Variants in LMCD1 observed in about 807,000 individuals in gnomAD.
LMCD1 encodes the protein LIM and cysteine-rich domains protein 1.
Under a neutral mutation model 42.7 loss-of-function variants are expected in LMCD1, and 32 were observed. The observed-to-expected ratio is 0.75, with a 90% CI of 0.57 to 1.01. The LOEUF is 1.01. Among genes scored for constraint, LMCD1 ranks in the 50% least tolerant of loss-of-function variants. The pLI is 0.00. For missense variants in LMCD1, 458 were observed against 483.1 expected (o/e 0.95, Z 0.49); for synonymous variants, 178 against 184.9 (o/e 0.96, Z 0.30).
intron 4 of LMCD1, among the ~76,000 whole-genome samples, chr3:8,553,458 G>A (rs1218312224): frequency 6.6e-6 from 1 of 152,208 alleles, no homozygotes; most frequent in Non-Finnish European, 1.5e-5. Flanking sequence ...AGTGAGCCCA[G>A]ATAACAGTGG....
At position 8,548,593 on chromosome 3, in the gene LMCD1, C is replaced by T. The variant is rs1000692832; in HGVS notation, c.413C>T (p.Pro138Leu). The part of the protein sequence containing the change: ...KLGLQYMELI[P>L]KEKQPVTGTE... ...GGACTGCAGTACATGGAGCTCATCC[C>T]CAAGGAGAAGCAGCCAGTGACAGGC... Residue 138 changes from proline to leucine, a missense_variant, in exon 4 of 6, where the codon CCC (proline) becomes CTC (leucine). Pro to Leu is a moderately conservative substitution (Grantham distance 98, BLOSUM62 -3). Coordinates refer to ENST00000157600, the MANE Select transcript of LMCD1 (RefSeq NM_014583.4). The T allele has an allele frequency of 6.2e-7, 1 of 1,613,498 alleles. No individual in the cohort carries two copies. Among genetic ancestry groups the T allele is most frequent in the Non-Finnish European group, 8.5e-7 (1 of 1,179,572 alleles).
At chr3:8,528,617 T>A (rs186304888) in intron 1 of LMCD1, among the ~76,000 whole-genome samples, 1 of 152,206 alleles carries the variant, frequency 6.6e-6, no homozygotes, top group South Asian at 2.1e-4. Flanking sequence ...GAGGAGGCAA[T>A]TGAGTTACTC....
intron 1 of LMCD1, among the ~76,000 whole-genome samples, chr3:8,522,348 G>A (rs1694222417): frequency 6.6e-6 from 1 of 152,166 alleles, no homozygotes; most frequent in South Asian, 2.1e-4. Context: ...GCAGCGGGGA[G>A]GAGAGTGGGT....
At chr3:8,540,571 A>T (rs1694603895) in intron 3 of LMCD1, among the ~76,000 whole-genome samples, 1 of 152,326 alleles carries the variant, frequency 6.6e-6, no homozygotes, top group East Asian at 1.9e-4. Context: ...CTTCCCTACC[A>T]ATCCAGGCCA....
At chr3:8,559,487 G>A (rs1357691628) in intron 4 of LMCD1, among the ~76,000 whole-genome samples, 6 of 152,198 alleles carry the variant, frequency 3.9e-5, no homozygotes, top group Non-Finnish European at 7.3e-5. Context: ...AGAGGCACAG[G>A]TAAGTTAGTT....
At chr3:8,540,778 A>AC (rs1455937046) in intron 3 of LMCD1, among the ~76,000 whole-genome samples, 2 of 152,214 alleles carry the variant, frequency 1.3e-5, no homozygotes, top group Non-Finnish European at 2.9e-5. Flanking sequence ...TCTCATGAAC[A>AC]CCTCACCGCG....
intron 1 of LMCD1, among the ~76,000 whole-genome samples, chr3:8,511,518 ATACT>A (rs1694000067): frequency 6.6e-6 from 1 of 152,228 alleles, no homozygotes; most frequent in Non-Finnish European, 1.5e-5. Flanking sequence ...AGAAGAGGAA[ATACT>A]TAATCTTACC....
intron 1 of LMCD1, among the ~76,000 whole-genome samples, chr3:8,521,016 T>A (rs918994567): frequency 6.6e-6 from 1 of 152,232 alleles, no homozygotes; most frequent in Non-Finnish European, 1.5e-5. Context: ...ACTATTCACG[T>A]TAGCCTGAGC....
Position 8,502,039 on chromosome 3 carries a change from A to C in LMCD1, c.42+59A>C, listed in dbSNP as rs115716560. 97 of 1,507,652 alleles carry C rather than the reference A, an allele frequency of 6.4e-5. No individual in the cohort carries two copies. The African/African-American group carries it at 1.3e-3, about 20-fold the overall frequency. The allele number at this position is 1,507,652 out of a possible 1,614,324, so 93.4% of individuals were successfully genotyped here. ...CTTACTTTTTCTTGTTCCCCTTCCC[A>C]TCTGTTCGCGGAAACTTCCCAAAAG... On this transcript the variant is annotated intron_variant, in intron 1 of 5. Transcript: ENST00000157600.
Position 8,537,174 on chromosome 3 carries a change from C to G in LMCD1, c.132-11C>G. The G allele has an allele frequency of 6.2e-7, 1 of 1,612,420 alleles. No homozygotes were observed. The highest frequency in any genetic ancestry group is 2.2e-5 in the East Asian group (1 of 44,838). On this transcript the variant is annotated splice_polypyrimidine_tract_variant and intron_variant, in intron 2 of 5. Coordinates refer to ENST00000157600, the MANE Select transcript of LMCD1 (RefSeq NM_014583.4). ...GGTTAATCTCACTGGTCCCCATCCA[C>G]CCACCCCCAGGAAAATATGCAAGTC...
intron 4 of LMCD1, chr3:8,551,021 C>G: frequency 2.0e-6 from 2 of 985,312 alleles, no homozygotes; most frequent in Non-Finnish European, 2.4e-6. Flanking sequence ...AATAGCAATA[C>G]TAGACAGTAA....
chr3:8,505,063 T>C (rs907913988), intron 1 of LMCD1, among the ~76,000 whole-genome samples: 10 of 152,206 alleles, frequency 6.6e-5, no homozygotes, highest in Admixed American at 6.5e-4. Flanking sequence ...AGTGAGATGA[T>C]GTACATAAAA....
rs1477617154 is a variant in LMCD1, at chr3:8,573,964, G to A, written c.*6366G>A. ...TGCTTTCTAGTCAGAAAGTGCAGAA[G>A]AAGGGCTAGCTTCAGGAACAATTGG... On this transcript the variant is annotated 3_prime_UTR_variant, in exon 6 of 6. Transcript: ENST00000157600. The A allele has an allele frequency of 2.0e-5, 3 of 152,060 alleles. No individual in the cohort carries two copies. Among genetic ancestry groups the A allele is most frequent in the Non-Finnish European group, 2.9e-5 (2 of 68,024 alleles). The allele number at this position is 152,060 out of a possible 1,614,324, so 9.4% of individuals were successfully genotyped here.
At chr3:8,525,636 C>G (rs940882995) in intron 1 of LMCD1, among the ~76,000 whole-genome samples, 7 of 152,074 alleles carry the variant, frequency 4.6e-5, no homozygotes, top group African/African-American at 1.7e-4. Context: ...TTTTGAGGAA[C>G]CTCATACTGT....
intron 1 of LMCD1, among the ~76,000 whole-genome samples, chr3:8,505,153 G>A (rs1693853859): frequency 6.6e-6 from 1 of 152,242 alleles, no homozygotes; most frequent in South Asian, 2.1e-4. Context: ...CATGGATGCG[G>A]AAAGGAATTT....
At chr3:8,511,361 G>C (rs1458501674) in intron 1 of LMCD1, among the ~76,000 whole-genome samples, 2 of 152,196 alleles carry the variant, frequency 1.3e-5, no homozygotes, top group Non-Finnish European at 2.9e-5. Context: ...ATATGCCAGG[G>C]ACTGAGGTGG....
intron 4 of LMCD1, among the ~76,000 whole-genome samples, chr3:8,559,397 A>G (rs1252703270): frequency 8.0e-6 from 1 of 125,722 alleles, no homozygotes; most frequent in African/African-American, 3.5e-5. Context: ...AAGTCCAAAA[A>G]TTCCATTATG....
At chr3:8,535,026 C>T (rs1694483879) in intron 2 of LMCD1, among the ~76,000 whole-genome samples, 1 of 152,218 alleles carries the variant, frequency 6.6e-6, no homozygotes, top group Non-Finnish European at 1.5e-5. Flanking sequence ...CTATGCGCAG[C>T]CTCCTCATCT....
At chr3:8,565,676 G>A in intron 5 of LMCD1, 29 bp downstream of exon 5, 4 of 1,548,968 alleles carry the variant, frequency 2.6e-6, no homozygotes, top group Non-Finnish European at 3.5e-6. Flanking sequence ...ATGGGTTAGG[G>A]GGCTTGAGGG....
Sources: gnomAD v4.1 joint callset for allele counts (sites outside exome capture counted in the v4.1 genomes callset) on GRCh38, gnomAD v4.1.1 for gene constraint, MANE v1.5 for transcripts, NCBI Gene and HGNC (gene_info 2026-07-23, HGNC 2026-07-21) for gene names.